The following EML1 variants were observed in gnomAD, a reference collection of about 807,000 sequenced individuals.
EML1 encodes echinoderm microtubule-associated protein-like 1.
In EML1, 27 loss-of-function variants were observed where a neutral mutation model predicts 110.4. The observed-to-expected ratio is 0.24, with a 90% confidence interval of 0.18 to 0.34. EML1 has a LOEUF of 0.34. EML1 is among the 10% of genes least tolerant of loss of function. EML1 has a pLI of 1.00. For synonymous variants in EML1, 344 were observed against 385.8 expected, an observed-to-expected ratio of 0.89 and a Z score of 1.27; for missense variants, 741 against 1,030.9, an observed-to-expected ratio of 0.72 and a Z score of 3.85.
chr14:99,753,500 C>G (rs1235762863), intron 1 of EML1, among the ~76,000 whole-genome samples: 1 of 151,932 alleles, frequency 6.6e-6, no homozygotes, highest in Non-Finnish European at 1.5e-5. Context: ...GCACCCATCT[C>G]CCTTCCTGGA....
chr14:99,904,943 C>G (rs575688351), intron 9 of EML1, among the ~76,000 whole-genome samples: 4 of 152,302 alleles, frequency 2.6e-5, no homozygotes, highest in African/African-American at 9.6e-5. Context: ...AACAGATTTT[C>G]TACAGCTTAA....
Position 99,860,363 on chromosome 14 carries a change from G to A in EML1, c.251-5151G>A, listed in dbSNP as rs987202988. ...GGATCCATTTACCTTAGCACATGAC[G>A]AGCAGAAAATTGTGTTTGAAACTTC... On this transcript the variant is annotated intron_variant, in intron 2 of 21. Coordinates refer to ENST00000262233, the MANE Select transcript of EML1 (RefSeq NM_004434.3). 5.6e-4 allele frequency among the ~76,000 whole-genome samples: 85 copies of A among 152,052 alleles called. 1 individual carries two copies. Among genetic ancestry groups the A allele is most frequent in the African/African-American group, 1.9e-3 (79 of 41,456 alleles).
upstream of EML1, among the ~76,000 whole-genome samples, chr14:99,770,377 T>TTCTTTCTATCTA (rs1555388115): frequency 1.5e-3 from 226 of 150,306 alleles, no homozygotes; most frequent in African/African-American, 5.4e-3. Flanking sequence ...AAAAATTTCT[T>TTCTTTCTATCTA]TCTATCTATC....
At chr14:99,737,924 C>A in intron 1 of EML1, 1 of 1,279,118 alleles carries the variant, frequency 7.8e-7, no homozygotes, top group South Asian at 1.3e-5. Flanking sequence ...CGCCAGTCGC[C>A]GAGGGCACTG....
chr14:99,795,629 T>G (rs1345998916), intron 1 of EML1, among the ~76,000 whole-genome samples: 1 of 152,242 alleles, frequency 6.6e-6, no homozygotes, highest in East Asian at 1.9e-4. Context: ...TTAATTACTA[T>G]GATGATTCAA....
At chr14:99,815,549 T>C (rs2058153983) in intron 1 of EML1, among the ~76,000 whole-genome samples, 1 of 152,184 alleles carries the variant, frequency 6.6e-6, no homozygotes, top group Non-Finnish European at 1.5e-5. Context: ...AATTGATCTA[T>C]TTTTCTTCTG....
chr14:99,777,328 A>G (rs2057493763), intron 1 of EML1, among the ~76,000 whole-genome samples: 1 of 152,032 alleles, frequency 6.6e-6, no homozygotes, highest in Non-Finnish European at 1.5e-5. Flanking sequence ...CGCCATCCCT[A>G]GCGTTCTTCC....
intron 1 of EML1, among the ~76,000 whole-genome samples, chr14:99,846,280 G>GGTTT (rs1434691850): frequency 3.4e-5 from 4 of 117,740 alleles, no homozygotes; most frequent in African/African-American, 6.1e-5. Flanking sequence ...TCCAGCTGGT[G>GGTTT]ATTTTTTTTT....
At chr14:99,909,298 C>G in intron 10 of EML1, 47 bp from the exon 11 acceptor site, 3 of 1,612,826 alleles carry the variant, frequency 1.9e-6, no homozygotes, top group Non-Finnish European at 1.7e-6. Flanking sequence ...ATGTCTCTTA[C>G]GCGTCTTAAG....
intron 3 of EML1, among the ~76,000 whole-genome samples, chr14:99,874,204 A>G (rs201956624): frequency 6.6e-6 from 1 of 152,222 alleles, no homozygotes; most frequent in African/African-American, 2.4e-5. Flanking sequence ...AAATTTTATT[A>G]TGTCTAAAGT....
At chr14:99,928,990 G>A (rs564404844) in intron 17 of EML1, among the ~76,000 whole-genome samples, 3 of 152,224 alleles carry the variant, frequency 2.0e-5, no homozygotes, top group Admixed American at 1.3e-4. Context: ...TATTTTGAAC[G>A]TCTGCTGAAG....
At chr14:99,893,075 C>T (rs1436434984) in intron 5 of EML1, among the ~76,000 whole-genome samples, 2 of 152,120 alleles carry the variant, frequency 1.3e-5, no homozygotes, top group Non-Finnish European at 2.9e-5. Context: ...ACAGCATGAG[C>T]GGTGGCACAG....
chr14:99,764,850 C>T (rs1003651162), intron 1 of EML1, among the ~76,000 whole-genome samples: 2 of 152,150 alleles, frequency 1.3e-5, no homozygotes, highest in Non-Finnish European at 2.9e-5. Context: ...CTGTCCTGCC[C>T]GTTCCTCAGT....
chr14:99,834,994 A>T (rs753628448), intron 1 of EML1, among the ~76,000 whole-genome samples: 244 of 151,362 alleles, frequency 1.6e-3, no homozygotes, highest in Non-Finnish European at 2.7e-3. Flanking sequence ...TAATTTTTGT[A>T]TTTTTTTTGT....
At chr14:99,770,023 T>C (rs2057406614), upstream of EML1, among the ~76,000 whole-genome samples, 2 of 152,240 alleles carry the variant, frequency 1.3e-5, no homozygotes, top group Non-Finnish European at 2.9e-5. Context: ...TTGCTCACTT[T>C]GCTTTTCTCT....
At chr14:99,935,557 G>A (rs574388145) in intron 17 of EML1, among the ~76,000 whole-genome samples, 1 of 152,230 alleles carries the variant, frequency 6.6e-6, no homozygotes, top group Non-Finnish European at 1.5e-5. Flanking sequence ...GCCGAGGCGG[G>A]CGGATCACGA....
intron 1 of EML1, among the ~76,000 whole-genome samples, chr14:99,848,053 C>A (rs1299704970): frequency 6.6e-6 from 1 of 151,974 alleles, no homozygotes; most frequent in African/African-American, 2.4e-5. Context: ...TTGAGTTTAG[C>A]ATTTTATTTT....
At chr14:99,820,029 G>A (rs1014275258) in intron 1 of EML1, among the ~76,000 whole-genome samples, 1 of 152,182 alleles carries the variant, frequency 6.6e-6, no homozygotes, top group Non-Finnish European at 1.5e-5. Flanking sequence ...CTCAGGGCCT[G>A]GGGGGTTCCA....
At chr14:99,809,957 G>A (rs952976650) in intron 1 of EML1, among the ~76,000 whole-genome samples, 1 of 152,298 alleles carries the variant, frequency 6.6e-6, no homozygotes, top group East Asian at 1.9e-4. Flanking sequence ...GGGATTTGAG[G>A]AAGGGTTTCC....
Sources: gnomAD v4.1 joint callset for allele counts (sites outside exome capture counted in the v4.1 genomes callset) on GRCh38, gnomAD v4.1.1 for gene constraint, MANE v1.5 for transcripts, NCBI Gene and HGNC (gene_info 2026-07-23, HGNC 2026-07-21) for gene names.